Variants in KAZN observed in about 807,000 individuals in gnomAD.
The protein encoded by KAZN is kazrin, periplakin interacting protein, also known as kazrin.
KAZN carries 40 observed loss-of-function variants against 87.4 expected under a neutral mutation model. That is an observed-to-expected ratio of 0.46 (90% confidence interval 0.36 to 0.60). KAZN has a LOEUF of 0.60. Among genes scored for constraint, KAZN ranks in the 20% least tolerant of loss-of-function variants. The pLI, the probability that KAZN is intolerant of heterozygous loss-of-function variation, is 0.00. For missense variants in KAZN, 898 were observed against 1,073.9 expected (o/e 0.84, Z 2.29); for synonymous variants, 466 against 458.3 (o/e 1.02, Z -0.22).
intron 2 of KAZN, among the ~76,000 whole-genome samples, chr1:14,491,855 C>G (rs1480564320): frequency 6.6e-6 from 1 of 152,074 alleles, no homozygotes; most frequent in Admixed American, 6.6e-5. Flanking sequence ...TGAAATAGAT[C>G]CTGCCACCCC....
chr1:14,196,337 A>C (rs1177349606), intron 2 of KAZN, among the ~76,000 whole-genome samples: 2 of 152,216 alleles, frequency 1.3e-5, no homozygotes, highest in Non-Finnish European at 2.9e-5. Context: ...TAACCTGTAC[A>C]ATAGGGCCTA....
chr1:15,103,960 G>T (rs562669509), intron 12 of KAZN, 63 bp from the exon 13 acceptor site: 6 of 1,538,058 alleles, frequency 3.9e-6, no homozygotes, highest in Non-Finnish European at 5.3e-6. Flanking sequence ...CGTGGAACTG[G>T]GGCCCCCTTA....
intron 2 of KAZN, among the ~76,000 whole-genome samples, chr1:14,400,084 C>T (rs1389286368): frequency 6.6e-6 from 1 of 152,132 alleles, no homozygotes; most frequent in Non-Finnish European, 1.5e-5. Context: ...CCAGTGATCT[C>T]GTAAGCTCCG....
At position 14,924,414 on chromosome 1, in the gene KAZN, C is replaced by A; in HGVS notation, c.227-36270C>A. 4 of 988,180 alleles carry A rather than the reference C, an allele frequency of 4.0e-6. No individual in the cohort carries two copies. The South Asian group carries it at 1.4e-4, about 33-fold the overall frequency. The allele number at this position is 988,180 out of a possible 1,614,324, so 61.2% of individuals were successfully genotyped here. A position where few individuals can be genotyped will look rare whatever the true frequency, so the allele number is the denominator to read the frequency against. On this transcript the variant is annotated intron_variant, in intron 1 of 14. Transcript: ENST00000376030. ...TGGGAGCGCGTCCGCCAGCTCGCGG[C>A]GCAGGGCGAGCCGGCGCCTTCCTGC...
At chr1:14,186,464 G>A (rs2100339755) in intron 2 of KAZN, among the ~76,000 whole-genome samples, 1 of 152,246 alleles carries the variant, frequency 6.6e-6, no homozygotes, top group East Asian at 1.9e-4. Flanking sequence ...AGGAGAGAGG[G>A]TAGCTATGGA....
intron 1 of KAZN, among the ~76,000 whole-genome samples, chr1:14,176,342 G>A (rs1407773283): frequency 2.6e-5 from 4 of 152,300 alleles, no homozygotes; most frequent in African/African-American, 7.2e-5. Flanking sequence ...ACGAGGTGGA[G>A]CGATGAGAGT....
chr1:13,999,045 A>T (rs1297280869), intron 1 of KAZN, among the ~76,000 whole-genome samples: 1 of 152,196 alleles, frequency 6.6e-6, no homozygotes, highest in African/African-American at 2.4e-5. Context: ...TCAAATTAGA[A>T]TTTAGGACTA....
chr1:14,824,431 T>C (rs77298614), intron 1 of KAZN, among the ~76,000 whole-genome samples: 1,702 of 152,298 alleles, frequency 0.011, 15 homozygotes, highest in South Asian at 0.022. Flanking sequence ...CCAATTATGA[T>C]GTGTTAGCCT....
At chr1:14,626,443 G>T (rs547664349) in intron 1 of KAZN, among the ~76,000 whole-genome samples, 1 of 152,294 alleles carries the variant, frequency 6.6e-6, no homozygotes, top group Admixed American at 6.5e-5. Context: ...GTGTTGTTTG[G>T]TGTACCTATT....
At chr1:13,962,314 C>T (rs1004567544) in intron 1 of KAZN, among the ~76,000 whole-genome samples, 7 of 152,006 alleles carry the variant, frequency 4.6e-5, no homozygotes, top group Non-Finnish European at 1.5e-5. Flanking sequence ...CACAAGGGGC[C>T]TTAACAATAC....
chr1:14,864,230 G>A (rs1366669750), intron 1 of KAZN, among the ~76,000 whole-genome samples: 1 of 152,204 alleles, frequency 6.6e-6, no homozygotes, highest in Non-Finnish European at 1.5e-5. Context: ...TGAAAAGTGA[G>A]AAAAGCTGGA....
intron 8 of KAZN, among the ~76,000 whole-genome samples, chr1:15,068,310 G>A (rs1639354719): frequency 6.6e-6 from 1 of 152,018 alleles, no homozygotes; most frequent in African/African-American, 2.4e-5. Flanking sequence ...TGGATTCGGG[G>A]CCCTTGGAGG....
intron 2 of KAZN, among the ~76,000 whole-genome samples, chr1:14,565,369 C>T (rs995714998): frequency 5.4e-5 from 8 of 149,256 alleles, no homozygotes; most frequent in African/African-American, 2.0e-4. Flanking sequence ...GTCTAAAAAG[C>T]AATGTACATA....
chr1:14,110,977 T>G lies in KAZN; in HGVS notation c.92-69458T>G, dbSNP rs1264718452. ...TTGCATACACAATTTGCATTATATT[T>G]CTGCTGGACAGCATTGCTCTAGATA... On this transcript the variant is annotated intron_variant, in intron 1 of 16. Transcript: ENST00000636203. Among the ~76,000 whole-genome samples, 2 of 134,922 alleles carry G rather than the reference T, an allele frequency of 1.5e-5. 1 individual carries two copies. The highest frequency in any genetic ancestry group is 5.8e-5 in the African/African-American group (2 of 34,752). 88.5% of individuals were successfully genotyped at this position (134,922 alleles called of 152,430 possible).
intron 1 of KAZN, among the ~76,000 whole-genome samples, chr1:14,906,776 G>GA (rs981067924): frequency 2.7e-5 from 4 of 149,818 alleles, no homozygotes; most frequent in African/African-American, 4.9e-5. Flanking sequence ...GGAGGTGGGG[G>GA]AAAAAAACCA....
At chr1:13,954,746 C>CTGT (rs1557743451) in intron 1 of KAZN, among the ~76,000 whole-genome samples, 7 of 152,238 alleles carry the variant, frequency 4.6e-5, no homozygotes, top group Admixed American at 6.5e-5. Flanking sequence ...ATGCAATTGC[C>CTGT]CATAATTTAT....
chr1:14,932,696 A>G (rs1659985558), intron 1 of KAZN, among the ~76,000 whole-genome samples: 1 of 152,016 alleles, frequency 6.6e-6, no homozygotes, highest in South Asian at 2.1e-4. Context: ...TCCACCCACA[A>G]GGAGCTGAGC....
At chr1:13,920,586 G>A (rs1268480365) in intron 1 of KAZN, among the ~76,000 whole-genome samples, 2 of 151,884 alleles carry the variant, frequency 1.3e-5, no homozygotes, top group Admixed American at 6.5e-5. Flanking sequence ...ACCTGAGAGG[G>A]GCTTCTGGCT....
intron 1 of KAZN, among the ~76,000 whole-genome samples, chr1:14,697,449 CTTTG>C (rs764717460): frequency 7.0e-4 from 106 of 152,328 alleles, no homozygotes; most frequent in Non-Finnish European, 1.0e-3. Flanking sequence ...GCATGCACAA[CTTTG>C]TTTATTTTTA....
Sources: gnomAD v4.1 joint callset for allele counts (sites outside exome capture counted in the v4.1 genomes callset) on GRCh38, gnomAD v4.1.1 for gene constraint, MANE v1.5 for transcripts, NCBI Gene and HGNC (gene_info 2026-07-23, HGNC 2026-07-21) for gene names.